GTF3C1: variants seen among roughly 807,000 people sequenced by gnomAD.
GTF3C1 encodes general transcription factor 3C polypeptide 1.
GTF3C1 carries 57 observed loss-of-function variants against 226.7 expected under a neutral mutation model. That is an observed-to-expected ratio of 0.25 (90% CI 0.20 to 0.31). GTF3C1 has a LOEUF of 0.31. Among genes scored for constraint, GTF3C1 ranks in the 10% least tolerant of loss-of-function variants. The pLI, the probability that GTF3C1 is intolerant of heterozygous loss-of-function variation, is 1.00. For synonymous variants in GTF3C1, 1,090 were observed against 1,084.8 expected, an observed-to-expected ratio of 1.00 and a Z score of -0.09; for missense variants, 2,217 against 2,776.1, an observed-to-expected ratio of 0.80 and a Z score of 4.53.
At chr16:27,545,135 C>T (rs1323422461) in intron 2 of GTF3C1, among the ~76,000 whole-genome samples, 179 bp downstream of exon 2, 1 of 152,136 alleles carries the variant, frequency 6.6e-6, no homozygotes, top group East Asian at 1.9e-4. Context: ...TGCCACCACA[C>T]CCGGCTAATT....
intron 6 of GTF3C1, among the ~76,000 whole-genome samples, chr16:27,525,507 G>A (rs568394588): frequency 6.6e-6 from 1 of 152,344 alleles, no homozygotes; most frequent in South Asian, 2.1e-4. Flanking sequence ...AATTATCTGT[G>A]TGATACCATC....
At chr16:27,497,869 T>G (rs1392122074) in intron 13 of GTF3C1, 48 bp from the exon 14 acceptor site, 2 of 1,467,578 alleles carry the variant, frequency 1.4e-6, no homozygotes, top group Admixed American at 3.7e-5. Flanking sequence ...AATCAAGGGC[T>G]AAGAGAAAGG....
At position 27,462,106 on chromosome 16, in the gene GTF3C1, C is replaced by G. The variant is rs754235408; in HGVS notation, c.6117+188G>C. On this transcript the variant is annotated intron_variant, in intron 36 of 36. Coordinates refer to ENST00000356183, the MANE Select transcript of GTF3C1 (RefSeq NM_001520.4). This position sits in a 1 kb window ranked among gnomAD's most constrained non-coding sequence, Gnocchi z 4.5. ...GCACCCCATCTTCCAGCCTGGTCAGCAGCATGGAGCTGGTGAAGGACACTG... is the reference window on the plus strand; with the variant it reads ...GCACCCCATCTTCCAGCCTGGTCAGGAGCATGGAGCTGGTGAAGGACACTG... 1.1e-4 allele frequency: 66 copies of G among 590,306 alleles called. No individual in the cohort carries two copies. The highest frequency in any genetic ancestry group is 1.8e-4 in the Non-Finnish European group (60 of 331,306). The allele number at this position is 590,306 out of a possible 1,614,324, so 36.6% of individuals were successfully genotyped here. A position where few individuals can be genotyped will look rare whatever the true frequency, so the allele number is the denominator to read the frequency against.
chr16:27,544,977 T>C (rs2089142265), intron 2 of GTF3C1, among the ~76,000 whole-genome samples: 1 of 145,640 alleles, frequency 6.9e-6, no homozygotes, highest in Non-Finnish European at 1.5e-5. Context: ...TTTTTTCCTT[T>C]TTTTTTTTTT....
At chr16:27,502,773 G>C (rs960997903) in intron 11 of GTF3C1, 86 bp downstream of exon 11, 24 of 1,368,752 alleles carry the variant, frequency 1.8e-5, no homozygotes, top group Non-Finnish European at 2.4e-5. Flanking sequence ...ATGCCCCTCA[G>C]TGGTGTCCAT....
chr16:27,547,152 T>C (rs892152594), intron 1 of GTF3C1, among the ~76,000 whole-genome samples: 3 of 152,072 alleles, frequency 2.0e-5, no homozygotes, highest in African/African-American at 4.8e-5. Context: ...CTTTTGAAAG[T>C]CCCTCACCCT....
At chr16:27,516,116 G>A (rs1186720598) in intron 6 of GTF3C1, among the ~76,000 whole-genome samples, 4 of 152,218 alleles carry the variant, frequency 2.6e-5, no homozygotes, top group Non-Finnish European at 5.9e-5. Context: ...AAACATCAGT[G>A]GCATTCAAGG....
intron 14 of GTF3C1, among the ~76,000 whole-genome samples, chr16:27,496,875 G>A (rs1035477828): frequency 2.0e-5 from 3 of 152,202 alleles, no homozygotes; most frequent in Non-Finnish European, 2.9e-5. Flanking sequence ...TGGTCCATTC[G>A]AGTGCAAATG....
chr16:27,538,087 C>T, intron 3 of GTF3C1, 93 bp downstream of exon 3: 1 of 1,242,920 alleles, frequency 8.0e-7, no homozygotes, highest in Non-Finnish European at 1.1e-6. Context: ...AAAAGCCATG[C>T]CTCAGGGAAG....
At position 27,533,296 on chromosome 16, in the gene GTF3C1, CT is replaced by C; in HGVS notation, c.843del (p.Glu282SerfsTer17). 2 of 1,561,892 alleles carry C rather than the reference CT, an allele frequency of 1.3e-6. No homozygotes were observed. On this transcript the variant is annotated frameshift_variant, in exon 5 of 37. Coordinates refer to ENST00000356183, the MANE Select transcript of GTF3C1 (RefSeq NM_001520.4). LOFTEE classifies it high-confidence loss of function. Reference sequence around the variant, plus strand: ...GTGGGAAACCCCAGGCTCACCAGCTCTTCCCTCAGCTTTCCCAGCGTCTCTA... The same window carrying C: ...GTGGGAAACCCCAGGCTCACCAGCTCTCCCTCAGCTTTCCCAGCGTCTCTA... The part of the protein sequence containing the change: ...NHIETLGKLR[E>X]ELGLCERTFK...
At chr16:27,474,295 G>A (rs2087920771) in intron 29 of GTF3C1, among the ~76,000 whole-genome samples, 1 of 152,214 alleles carries the variant, frequency 6.6e-6, no homozygotes, top group Non-Finnish European at 1.5e-5. Context: ...TAGGCCTTCG[G>A]TACCACACAT....
intron 23 of GTF3C1, 141 bp downstream of exon 23, chr16:27,488,084 TAG>T (rs1382628453): frequency 1.0e-5 from 7 of 681,362 alleles, no homozygotes; most frequent in Admixed American, 5.0e-5. Flanking sequence ...GCAACCATCA[TAG>T]AGAGTCAGCG....
chr16:27,495,682 C>T (rs757365548), intron 14 of GTF3C1, among the ~76,000 whole-genome samples, 190 bp from the exon 15 acceptor site: 21 of 152,218 alleles, frequency 1.4e-4, no homozygotes, highest in Non-Finnish European at 1.3e-4. Context: ...AATAGCCCAT[C>T]AGACGAAAAC....
chr16:27,465,455 G>A lies in GTF3C1; in HGVS notation c.5160C>T (p.Cys1720=). The change falls in exon 33 of 37, where the codon TGC becomes TGT. Residue 1720 remains cysteine (C), a synonymous_variant. Transcript: ENST00000356183. The part of the protein sequence containing the change: ...TKLINPQENT[C]SLEEFVLQLE... ...GCTGGAGGACAAACTCCTCCAAGCT[G>A]CAGGTGTTTTCCTGGGGGTTTATCA... 1 of 1,612,184 alleles carries A rather than the reference G, an allele frequency of 6.2e-7. No homozygotes were observed. Among genetic ancestry groups the A allele is most frequent in the Non-Finnish European group, 8.5e-7 (1 of 1,179,632 alleles).
intron 4 of GTF3C1, among the ~76,000 whole-genome samples, chr16:27,535,758 G>A (rs769734997): frequency 2.6e-5 from 4 of 151,882 alleles, no homozygotes; most frequent in Non-Finnish European, 5.9e-5. Context: ...GCGCGGTGGT[G>A]CATCGCTTGA....
At chr16:27,477,351 G>C (rs1661869337) in intron 28 of GTF3C1, among the ~76,000 whole-genome samples, 1 of 151,618 alleles carries the variant, frequency 6.6e-6, no homozygotes, top group Admixed American at 6.6e-5. Flanking sequence ...ATGTCGCCCA[G>C]GCTTGAGTGC....
chr16:27,484,460 C>G, intron 24 of GTF3C1, 107 bp from the exon 25 acceptor site: 1 of 717,200 alleles, frequency 1.4e-6, no homozygotes, highest in South Asian at 1.7e-5. Context: ...AGCCTCCTTC[C>G]TCAGAGAATC....
Position 27,495,281 on chromosome 16 carries a change from A to G in GTF3C1, c.2562T>C (p.Ser854=). Residue 854 remains serine (S), a synonymous_variant, in exon 15 of 37, where the codon TCT becomes TCC. Transcript: ENST00000356183. The part of the protein sequence containing the change: ...SSSGSAWEAC[S]EAPSKGSQDG... ...CTTGGCTGCCTTTAGATGGGGCTTC[A>G]GAGCAGGCCTCCCAGGCACTTCCAG... The G allele has an allele frequency of 6.2e-7, 1 of 1,613,500 alleles. No homozygotes were observed. The highest frequency in any genetic ancestry group is 1.1e-5 in the South Asian group (1 of 91,074).
At position 27,469,251 on chromosome 16, in the gene GTF3C1, C is replaced by T. The variant is rs777337572; in HGVS notation, c.5074+40G>A. 66 of 1,518,672 alleles carry T rather than the reference C, an allele frequency of 4.3e-5. 2 individuals carry two copies. The South Asian group carries it at 7.5e-4, about 17-fold the overall frequency. The allele number at this position is 1,518,672 out of a possible 1,614,324, so 94.1% of individuals were successfully genotyped here. ...GCCTCAGGGTCTTCCTGGATGATGG[C>T]GAGGCCAGGCCCTCCCACAGCACCA... is the stretch of plus-strand genomic sequence containing the variant. On this transcript the variant is annotated intron_variant, in intron 32 of 36. Coordinates refer to ENST00000356183, the MANE Select transcript of GTF3C1 (RefSeq NM_001520.4). This position sits in a 1 kb window ranked among gnomAD's most constrained non-coding sequence, Gnocchi z 4.5.
Sources: gnomAD v4.1 joint callset for allele counts (sites outside exome capture counted in the v4.1 genomes callset) on GRCh38, gnomAD v4.1.1 for gene constraint, Gnocchi (gnomAD v3.1) non-coding constraint, MANE v1.5 for transcripts, NCBI Gene and HGNC (gene_info 2026-07-23, HGNC 2026-07-21) for gene names.